Variants in NDST4 observed in about 807,000 individuals in gnomAD.
The protein encoded by NDST4 is N-heparan sulfate sulfotransferase 4.
In NDST4, 63 loss-of-function variants were observed where a neutral mutation model predicts 100.8. The observed-to-expected ratio is 0.62, with a 90% confidence interval of 0.51 to 0.77. The LOEUF (loss-of-function observed/expected upper bound fraction) is 0.77, where lower values mean the gene tolerates loss of function less well. NDST4 is among the 30% of genes least tolerant of loss of function. The pLI is 0.00. For missense variants in NDST4, 943 were observed against 1,018.4 expected, an observed-to-expected ratio of 0.93 and a Z score of 1.01; for synonymous variants, 377 against 361.8, an observed-to-expected ratio of 1.04 and a Z score of -0.48.
In NDST4 at chr4:115,076,638, A is replaced by G. The variant is rs1360394040; in HGVS notation, c.399T>C (p.Tyr133=). ...NGKGKYTLVI[Y]ENILKYVSMD... ...TGCTGACATACTTCAGAATATTTTC[A>G]TAAATAACTAAAGTATATTTCCCTT... Residue 133 remains tyrosine, a synonymous_variant, in exon 2 of 14, where the codon TAT becomes TAC. Coordinates refer to ENST00000264363, the MANE Select transcript of NDST4 (RefSeq NM_022569.3). 13 of 1,613,902 alleles carry G rather than the reference A, an allele frequency of 8.1e-6. No individual in the cohort carries two copies. The highest frequency in any genetic ancestry group is 1.1e-5 in the Non-Finnish European group (13 of 1,179,900).
At chr4:114,879,685 T>C (rs998245298) in intron 6 of NDST4, among the ~76,000 whole-genome samples, 1 of 152,176 alleles carries the variant, frequency 6.6e-6, no homozygotes, top group African/African-American at 2.4e-5. Flanking sequence ...AAAATATTTA[T>C]TGAATGAACA....
chr4:114,941,984 C>T (rs1725760891), intron 4 of NDST4, among the ~76,000 whole-genome samples: 1 of 152,094 alleles, frequency 6.6e-6, no homozygotes, highest in African/African-American at 2.4e-5. Context: ...TCTAAGAAAA[C>T]AGAGGAAAAA....
intron 2 of NDST4, among the ~76,000 whole-genome samples, chr4:114,983,262 C>T (rs746640320): frequency 3.3e-5 from 5 of 152,168 alleles, no homozygotes; most frequent in Admixed American, 6.5e-5. Context: ...AATTCACTGA[C>T]CAGCTTCCAC....
At chr4:114,943,471 T>G (rs1426392935) in intron 4 of NDST4, among the ~76,000 whole-genome samples, 13 of 152,168 alleles carry the variant, frequency 8.5e-5, no homozygotes, top group Non-Finnish European at 1.8e-4. Flanking sequence ...CACTCTCTGA[T>G]TCTTTTCTCC....
At chr4:114,929,101 C>CTATCT (rs1560817052) in intron 6 of NDST4, among the ~76,000 whole-genome samples, 1 of 129,694 alleles carries the variant, frequency 7.7e-6, no homozygotes, top group African/African-American at 3.2e-5. Context: ...TCCATCCATC[C>CTATCT]ATCCATCCAT....
intron 6 of NDST4, among the ~76,000 whole-genome samples, chr4:114,913,458 T>C (rs529387638): frequency 6.6e-6 from 1 of 152,200 alleles, no homozygotes; most frequent in South Asian, 2.1e-4. Context: ...TACCTAGACT[T>C]CAACATTTTG....
chr4:115,112,095 G>T (rs1322744923), intron 1 of NDST4, among the ~76,000 whole-genome samples: 1 of 148,748 alleles, frequency 6.7e-6, no homozygotes, highest in Non-Finnish European at 1.5e-5. Context: ...ACACACACAC[G>T]CACACACTCA....
intron 4 of NDST4, among the ~76,000 whole-genome samples, chr4:114,945,001 G>A (rs889042481): frequency 1.3e-5 from 2 of 151,808 alleles, no homozygotes; most frequent in African/African-American, 4.8e-5. Context: ...TGTGAGGTCG[G>A]GAGTTCGAGA....
chr4:114,872,177 C>T (rs1724162827), intron 6 of NDST4, among the ~76,000 whole-genome samples: 1 of 151,916 alleles, frequency 6.6e-6, no homozygotes, highest in Non-Finnish European at 1.5e-5. Context: ...CTTCTGTTCC[C>T]ATGATCTAAT....
chr4:114,834,295 C>A (rs546529286), intron 11 of NDST4, among the ~76,000 whole-genome samples: 1 of 152,180 alleles, frequency 6.6e-6, no homozygotes, highest in East Asian at 1.9e-4. Flanking sequence ...GGGTGGATCA[C>A]CTGAGGTCAG....
At chr4:114,939,684 C>A (rs200522867) in intron 4 of NDST4, among the ~76,000 whole-genome samples, 24 of 148,430 alleles carry the variant, frequency 1.6e-4, no homozygotes, top group East Asian at 3.9e-4. Flanking sequence ...GTAGAACTTT[C>A]AAAAAAAAAA....
chr4:115,072,477 C>G (rs968160271), intron 2 of NDST4, among the ~76,000 whole-genome samples: 1 of 151,864 alleles, frequency 6.6e-6, no homozygotes, highest in East Asian at 1.9e-4. Context: ...ATGATACTAG[C>G]ATAAAAACAG....
intron 4 of NDST4, among the ~76,000 whole-genome samples, chr4:114,944,354 C>T (rs1464831201): frequency 2.6e-5 from 4 of 152,164 alleles, no homozygotes; most frequent in Non-Finnish European, 5.9e-5. Flanking sequence ...AAAGTGTCCC[C>T]AACCCCACAT....
intron 2 of NDST4, among the ~76,000 whole-genome samples, chr4:114,990,926 A>G (rs1727023084): frequency 6.6e-6 from 1 of 152,046 alleles, no homozygotes; most frequent in Non-Finnish European, 1.5e-5. Context: ...TTAGCTGCTA[A>G]TGAGACTTCA....
chr4:114,850,817 T>A (rs993996951), intron 8 of NDST4, among the ~76,000 whole-genome samples: 4 of 152,146 alleles, frequency 2.6e-5, no homozygotes, highest in African/African-American at 9.7e-5. Context: ...TCTTTTTACA[T>A]TGACAATACC....
At chr4:114,869,339 C>A (rs1724098899) in intron 7 of NDST4, among the ~76,000 whole-genome samples, 1 of 151,644 alleles carries the variant, frequency 6.6e-6, no homozygotes, top group Non-Finnish European at 1.5e-5. Flanking sequence ...TGTCTAAAAT[C>A]TTTGTTAATT....
chr4:115,011,308 G>T (rs1727540442), intron 2 of NDST4, among the ~76,000 whole-genome samples: 1 of 151,878 alleles, frequency 6.6e-6, no homozygotes, highest in Non-Finnish European at 1.5e-5. Flanking sequence ...TGCCATTCTG[G>T]TACTTATCTA....
At position 114,938,174 on chromosome 4, in the gene NDST4, A is replaced by T. The variant is rs1205098097; in HGVS notation, c.1222-671T>A. Among the ~76,000 whole-genome samples, 8 of 152,220 alleles carry T rather than the reference A, an allele frequency of 5.3e-5. No homozygotes were observed. In the East Asian group the frequency reaches 1.5e-3, roughly 29 times the overall value. On this transcript the variant is annotated intron_variant, in intron 4 of 13. Coordinates refer to ENST00000264363, the MANE Select transcript of NDST4 (RefSeq NM_022569.3). ...TGAACATAGGTAACTAAATTAAATT[A>T]TTTATGGTCAGATTCAAAGGCAGGG...
chr4:115,049,408 G>A (rs960590589), intron 2 of NDST4, among the ~76,000 whole-genome samples: 1 of 152,012 alleles, frequency 6.6e-6, no homozygotes, highest in African/African-American at 2.4e-5. Flanking sequence ...CTATGCCCTT[G>A]CTAGAAATGT....
Sources: allele counts gnomAD v4.1 joint callset (sites outside exome capture counted in the v4.1 genomes callset), GRCh38; gene constraint gnomAD v4.1.1; transcripts MANE v1.5; gene names NCBI Gene and HGNC (gene_info 2026-07-23, HGNC 2026-07-21).